Variants in DCAF15 observed in about 807,000 individuals in gnomAD.
DCAF15 encodes the protein DDB1- and CUL4-associated factor 15.
DCAF15 carries 24 observed loss-of-function variants against 68.0 expected under a neutral mutation model. The observed-to-expected ratio is 0.35, with a 90% CI of 0.26 to 0.50. The LOEUF (loss-of-function observed/expected upper bound fraction) is 0.50. DCAF15 is among the 20% of genes least tolerant of loss of function. The pLI, the probability that DCAF15 is intolerant of heterozygous loss-of-function variation, is 0.98. For synonymous variants in DCAF15, 376 were observed against 341.6 expected (o/e 1.10, Z -1.11); for missense variants, 627 against 830.6 (o/e 0.75, Z 3.01).
At chr19:13,954,462 G>GA (rs1470230020) in intron 2 of DCAF15, 25 bp downstream of exon 2, 1 of 1,613,916 alleles carries the variant, frequency 6.2e-7, no homozygotes, top group Non-Finnish European at 8.5e-7. Context: ...AGGCAAAGGG[G>GA]GCAGGTGGGC....
chr19:13,959,365 G>C lies in DCAF15; in HGVS notation c.1105G>C (p.Ala369Pro), dbSNP rs888129229. 1.2e-6 allele frequency: 2 copies of C among 1,605,708 alleles called. No individual in the cohort carries two copies. Among genetic ancestry groups the C allele is most frequent in the Non-Finnish European group, 1.7e-6 (2 of 1,179,732 alleles). ...SEPLALCGET[A>P]PRDSPPASEA... ...GCCCCTAGCCCTGTGTGGAGAGACG[G>C]CACCCCGGGACAGCCCCCCTGCCTC... The change falls in exon 7 of 13, where the codon GCA (alanine) becomes CCA (proline). Residue 369 changes from alanine (A) to proline (P), a missense_variant. This residue lies in a region of DCAF15 where 236 missense variants were observed against 225.1 expected (regional missense o/e 1.05). Transcript: ENST00000254337.
At position 13,960,944 on chromosome 19, in the gene DCAF15, C is replaced by T. The variant is rs371256747; in HGVS notation, c.1752C>T (p.Cys584=). The stretch of plus-strand genomic sequence containing the variant: ...TGTCTCCACCTGTCCCTGTAGGGTG[C>T]TCCCTGAAGGTTCTGGCGGACAGCG... ...RMTNEALHKG[C]SLKVLADSER... Residue 584 remains cysteine, a synonymous_variant, in exon 13 of 13, where the codon TGC becomes TGT. Transcript: ENST00000254337. 4.3e-5 allele frequency: 70 copies of T among 1,613,892 alleles called. No individual in the cohort carries two copies. The highest frequency in any genetic ancestry group is 5.7e-5 in the Non-Finnish European group (67 of 1,180,030).
At chr19:13,960,239 A>G in intron 10 of DCAF15, 48 bp from the exon 11 acceptor site, 2 of 1,596,594 alleles carry the variant, frequency 1.3e-6, no homozygotes, top group Non-Finnish European at 1.7e-6. Flanking sequence ...GGCCTGGTTC[A>G]GGAGCCCGGC....
chr19:13,952,987 C>T (rs1306366921), intron 1 of DCAF15: 2 of 1,100,048 alleles, frequency 1.8e-6, no homozygotes, highest in African/African-American at 3.2e-5. Flanking sequence ...AAGCTCTGCT[C>T]CCATGGTTGC....
chr19:13,956,647 G>T, intron 6 of DCAF15, 125 bp downstream of exon 6: 1 of 1,142,428 alleles, frequency 8.8e-7, no homozygotes, highest in Non-Finnish European at 1.2e-6. Flanking sequence ...CACACAGCCT[G>T]GTTGTGGGAA....
intron 1 of DCAF15, chr19:13,953,106 G>C (rs540883342): frequency 1.3e-6 from 2 of 1,550,492 alleles, no homozygotes; most frequent in Non-Finnish European, 1.7e-6. Flanking sequence ...ACATGAGCTG[G>C]GAGTTCCAGT....
At chr19:13,957,029 G>A (rs1034691958) in intron 6 of DCAF15, among the ~76,000 whole-genome samples, 1 of 152,224 alleles carries the variant, frequency 6.6e-6, no homozygotes, top group Non-Finnish European at 1.5e-5. Flanking sequence ...GTGTTGGGAT[G>A]ACAGGCGTGA....
intron 12 of DCAF15, 79 bp from the exon 13 acceptor site, chr19:13,960,861 G>C: frequency 6.3e-7 from 1 of 1,591,106 alleles, no homozygotes; most frequent in South Asian, 1.1e-5. Flanking sequence ...TTCTGGGCCA[G>C]AAGCAAGTCA....
At chr19:13,960,853 C>T (rs1973599420) in intron 12 of DCAF15, 87 bp from the exon 13 acceptor site, 1 of 1,564,772 alleles carries the variant, frequency 6.4e-7, no homozygotes, top group East Asian at 2.3e-5. Context: ...CTGGAACCTT[C>T]TGGGCCAGAA....
At position 13,961,191 on chromosome 19, in the gene DCAF15, G is replaced by A. The variant is rs1296506874; in HGVS notation, c.*196G>A. The A allele has an allele frequency of 1.5e-6, 1 of 653,622 alleles. No homozygotes were observed. The highest frequency in any genetic ancestry group is 2.6e-6 in the Non-Finnish European group (1 of 381,358). 40.5% of individuals were successfully genotyped at this position (653,622 alleles called of 1,614,324 possible). ...ACGCTTTTTATTTATGCCTATTTAA[G>A]TTGGGAAGGGGCAGAGAGAGGGCGC... On this transcript the variant is annotated 3_prime_UTR_variant, in exon 13 of 13. Transcript: ENST00000254337.
rs1973104839 is a variant in DCAF15, at chr19:13,952,600, G to GGGC, written c.97_99dup (p.Arg33dup). On this transcript the variant is annotated inframe_insertion, in exon 1 of 13. Transcript: ENST00000254337. ...GGGAGCCGGAGGGAAGCGGGCAGCAGGGCGGCGGCGGGAGCACGTCCTCAA... is the reference window on the plus strand; with the variant it reads ...GGGAGCCGGAGGGAAGCGGGCAGCAGGGCGGCGGCGGCGGGAGCACGTCCTCAA... 3.2e-6 allele frequency: 4 copies of GGGC among 1,266,554 alleles called. No individual in the cohort carries two copies. Among genetic ancestry groups the GGGC allele is most frequent in the Non-Finnish European group, 4.0e-6 (4 of 1,002,886 alleles). 78.5% of individuals were successfully genotyped at this position (1,266,554 alleles called of 1,614,324 possible).
chr19:13,959,539 C>T, intron 7 of DCAF15, 43 bp from the exon 8 acceptor site: 1 of 1,611,426 alleles, frequency 6.2e-7, no homozygotes, highest in Non-Finnish European at 8.5e-7. Flanking sequence ...CAGACGGGGC[C>T]CCTGGCCTCC....
intron 6 of DCAF15, among the ~76,000 whole-genome samples, chr19:13,957,531 C>T (rs1973416668): frequency 6.6e-6 from 1 of 152,198 alleles, no homozygotes. Flanking sequence ...CCTGTGTGTG[C>T]ATCCATGGAG....
intron 12 of DCAF15, 75 bp from the exon 13 acceptor site, chr19:13,960,865 C>A (rs1031571020): frequency 7.6e-5 from 121 of 1,593,856 alleles, no homozygotes; most frequent in Non-Finnish European, 9.7e-5. Context: ...GGGCCAGAAG[C>A]AAGTCAGGTG....
In DCAF15 at chr19:13,959,677, G is replaced by A. The variant is rs1219534081; in HGVS notation, c.1311+4G>A. On this transcript the variant is annotated splice_donor_region_variant and intron_variant, in intron 8 of 12. Coordinates refer to ENST00000254337, the MANE Select transcript of DCAF15 (RefSeq NM_138353.4). ...GCGGGAGCGGACTGCTGTCCAGGTG[G>A]GTGTGGGCAGTGGGCGGGCCAAGGA... is the stretch of plus-strand genomic sequence containing the variant. 2 of 1,613,214 alleles carry A rather than the reference G, an allele frequency of 1.2e-6. No individual in the cohort carries two copies. Among genetic ancestry groups the A allele is most frequent in the African/African-American group, 2.7e-5 (2 of 74,928 alleles).
intron 9 of DCAF15, 24 bp from the exon 10 acceptor site, chr19:13,959,960 G>T: frequency 6.3e-7 from 1 of 1,580,480 alleles, no homozygotes. Context: ...CTCAACAGTT[G>T]GCATCATCCA....
intron 1 of DCAF15, chr19:13,953,051 G>T: frequency 6.5e-7 from 1 of 1,532,158 alleles, no homozygotes; most frequent in Non-Finnish European, 8.9e-7. Context: ...CTGGCTTTGG[G>T]CTTCCTCCGC....
chr19:13,958,278 G>C (rs1973448627), intron 6 of DCAF15, among the ~76,000 whole-genome samples: 1 of 152,134 alleles, frequency 6.6e-6, no homozygotes, highest in Non-Finnish European at 1.5e-5. Context: ...TGCCGACACA[G>C]AGGGGTGCTT....
Position 13,959,799 on chromosome 19 carries a change from A to G in DCAF15, c.1344A>G (p.Leu448=), listed in dbSNP as rs748274113. ...GQYLTVEQLT[L]DFEYVINEVI... ...ACCTGACAGTGGAGCAGCTCACACT[A>G]GACTTCGAATATGTTATCAATGAGG... Residue 448 remains leucine (L), a synonymous_variant, in exon 9 of 13, where the codon CTA becomes CTG. Coordinates refer to ENST00000254337, the MANE Select transcript of DCAF15 (RefSeq NM_138353.4). 1.1e-5 allele frequency: 17 copies of G among 1,612,126 alleles called. No homozygotes were observed. Among genetic ancestry groups the G allele is most frequent in the Non-Finnish European group, 1.3e-5 (15 of 1,179,668 alleles).
Sources: allele counts gnomAD v4.1 joint callset (sites outside exome capture counted in the v4.1 genomes callset), GRCh38; gene constraint gnomAD v4.1.1; regional missense constraint gnomAD v4.1.1; transcripts MANE v1.5; gene names NCBI Gene and HGNC (gene_info 2026-07-23, HGNC 2026-07-21).